CNTROB: variants seen among roughly 807,000 people sequenced by gnomAD.
CNTROB encodes centrobin, centriole duplication and spindle assembly protein.
Under a neutral mutation model 115.7 loss-of-function variants are expected in CNTROB, and 82 were observed. That is an observed-to-expected ratio of 0.71 (90% CI 0.59 to 0.85). CNTROB has a LOEUF of 0.85. Ranked by LOEUF, CNTROB falls within the 40% of genes least tolerant of loss-of-function variation. The pLI, the probability that CNTROB is intolerant of heterozygous loss-of-function variation, is 0.00. For synonymous variants in CNTROB, 439 were observed against 456.4 expected (o/e 0.96, Z 0.49); for missense variants, 1,014 against 1,144.4 (o/e 0.89, Z 1.64).
chr17:7,947,465 C>T lies in CNTROB; in HGVS notation c.1994-106C>T, dbSNP rs373572021. On this transcript the variant is annotated intron_variant, in intron 13 of 18. Coordinates refer to ENST00000563694, the MANE Select transcript of CNTROB (RefSeq NM_053051.5). Reference sequence around the variant, plus strand: ...TCTCTTAGCTGTGATGTTCCTCTTCCATTTAATAGGCCCCTTTCTTCTGAG... The same window carrying T: ...TCTCTTAGCTGTGATGTTCCTCTTCTATTTAATAGGCCCCTTTCTTCTGAG... The T allele has an allele frequency of 1.4e-5, 15 of 1,099,066 alleles. No homozygotes were observed. In the East Asian group the frequency reaches 3.6e-4, roughly 26 times the overall value. 68.1% of individuals were successfully genotyped at this position (1,099,066 alleles called of 1,614,324 possible). A position where few individuals can be genotyped will look rare whatever the true frequency, so the allele number is the denominator to read the frequency against.
In CNTROB at chr17:7,949,606, GA is replaced by G; in HGVS notation, c.*100del. 1 of 1,308,882 alleles carries G rather than the reference GA, an allele frequency of 7.6e-7. No homozygotes were observed. The highest frequency in any genetic ancestry group is 1.0e-6 in the Non-Finnish European group (1 of 988,866). 81.1% of individuals were successfully genotyped at this position (1,308,882 alleles called of 1,614,324 possible). A position where few individuals can be genotyped will look rare whatever the true frequency, so the allele number is the denominator to read the frequency against. On this transcript the variant is annotated 3_prime_UTR_variant, in exon 19 of 19. Transcript: ENST00000563694. ...AGAGTCTCTGGCTCATAGGAATTTG[GA>G]AAATAGAGGTTTTGTAGGGAATCAC...
At chr17:7,937,780 G>C (rs1289816894) in intron 7 of CNTROB, among the ~76,000 whole-genome samples, 1 of 152,014 alleles carries the variant, frequency 6.6e-6, no homozygotes, top group African/African-American at 2.4e-5. Context: ...TCCAGCCTGG[G>C]TGACAGAGTG....
In CNTROB at chr17:7,945,975, C is replaced by G. The variant is rs563600015; in HGVS notation, c.1982C>G (p.Thr661Ser). 21 of 1,614,090 alleles carry G rather than the reference C, an allele frequency of 1.3e-5. No individual in the cohort carries two copies. The highest frequency in any genetic ancestry group is 8.3e-5 in the Admixed American group (5 of 60,016). ...CCCCTGGAGCCCAAACCAGACCTCA[C>G]TTCATCCACAGGTAACTGGGGGCAG... Reference protein sequence around the residue: ...FQPLEPKPDLTSSTAGAFSAL... With the variant: ...FQPLEPKPDLSSSTAGAFSAL... Residue 661 changes from threonine (T) to serine (S), a missense_variant, in exon 13 of 19, where the codon ACT (threonine) becomes AGT (serine). Thr to Ser is a moderately conservative substitution (Grantham distance 58). Transcript: ENST00000563694.
Position 7,939,839 on chromosome 17 carries a change from T to G in CNTROB, c.1164+90T>G. ...GGATGGAATGTTAGAATATGGGGGA[T>G]ACATATAGGCAGGAATGGAGAGTAG... On this transcript the variant is annotated intron_variant, in intron 8 of 18. Transcript: ENST00000563694. The surrounding 1 kb of genome is among the most constrained non-coding windows in gnomAD (Gnocchi z 4.4). 1 of 1,260,754 alleles carries G rather than the reference T, an allele frequency of 7.9e-7. No homozygotes were observed. Among genetic ancestry groups the G allele is most frequent in the Non-Finnish European group, 1.1e-6 (1 of 873,574 alleles). The allele number at this position is 1,260,754 out of a possible 1,614,324, so 78.1% of individuals were successfully genotyped here. A position where few individuals can be genotyped will look rare whatever the true frequency, so the allele number is the denominator to read the frequency against.
chr17:7,937,068 G>C, intron 6 of CNTROB, 96 bp from the exon 7 acceptor site: 3 of 1,470,902 alleles, frequency 2.0e-6, no homozygotes, highest in Non-Finnish European at 2.8e-6. Flanking sequence ...TTAGTTAACT[G>C]TGAAGTTTCA....
In CNTROB at chr17:7,943,900, C is replaced by T. The variant is rs896118938; in HGVS notation, c.1446-223C>T. Among the ~76,000 whole-genome samples the T allele has an allele frequency of 2.0e-5, 3 of 152,174 alleles. No homozygotes were observed. Among genetic ancestry groups the T allele is most frequent in the Non-Finnish European group, 4.4e-5 (3 of 68,020 alleles). The stretch of plus-strand genomic sequence containing the variant: ...CTTCTCCTCACACCCATTCTGCTGC[C>T]GAGATTTTCTGGAACTGCTTCCGAA... On this transcript the variant is annotated intron_variant, in intron 10 of 18. Transcript: ENST00000563694. This position sits in a 1 kb window ranked among gnomAD's most constrained non-coding sequence, Gnocchi z 4.7.
In CNTROB at chr17:7,936,482, G is replaced by C. The variant is rs1322014981; in HGVS notation, c.711G>C (p.Lys237Asn). ...ATACCATGATTGAACAACTGGACAA[G>C]GTACCAGGGTAGCAAAATGTGGGTG... ...KKDTMIEQLD[K>N]TLARVVEGWN... Residue 237 changes from lysine to asparagine, a missense_variant and splice_region_variant, in exon 5 of 19, where the codon AAG (lysine) becomes AAC (asparagine). Transcript: ENST00000563694. The C allele has an allele frequency of 7.9e-7, 1 of 1,258,474 alleles. No homozygotes were observed. Among genetic ancestry groups the C allele is most frequent in the Non-Finnish European group, 1.2e-6 (1 of 855,088 alleles). 78.0% of individuals were successfully genotyped at this position (1,258,474 alleles called of 1,614,324 possible). A position where few individuals can be genotyped will look rare whatever the true frequency, so the allele number is the denominator to read the frequency against.
At chr17:7,938,521 A>G (rs993228543) in intron 7 of CNTROB, among the ~76,000 whole-genome samples, 1 of 152,326 alleles carries the variant, frequency 6.6e-6, no homozygotes, top group Admixed American at 6.5e-5. Context: ...TCTTTTGACG[A>G]TGATGGTGGT....
At position 7,939,816 on chromosome 17, in the gene CNTROB, A is replaced by G. The variant is rs1973640311; in HGVS notation, c.1164+67A>G. ...ATGAAGGGCAAAATAATTGAATGGG[A>G]TGGAATGTTAGAATATGGGGGATAC... On this transcript the variant is annotated intron_variant, in intron 8 of 18. Coordinates refer to ENST00000563694, the MANE Select transcript of CNTROB (RefSeq NM_053051.5). The surrounding 1 kb of genome is among the most constrained non-coding windows in gnomAD (Gnocchi z 4.4). The G allele has an allele frequency of 7.0e-7, 1 of 1,420,276 alleles. No homozygotes were observed. The allele number at this position is 1,420,276 out of a possible 1,614,324, so 88.0% of individuals were successfully genotyped here.
intron 7 of CNTROB, among the ~76,000 whole-genome samples, chr17:7,938,938 C>G (rs1237978832): frequency 1.3e-5 from 2 of 152,058 alleles, no homozygotes; most frequent in Non-Finnish European, 1.5e-5. Flanking sequence ...ACCACCATGC[C>G]CAGCTAATTT....
chr17:7,948,285 C>A lies in CNTROB; in HGVS notation c.2338C>A (p.His780Asn). ...LFRVPEPPSS[H>N]SQGSGPSSGS... ...CCGGGTCCCTGAGCCTCCCTCCTCC[C>A]ATTCACAAGGCAGTGGTCCCAGCAG... is the stretch of plus-strand genomic sequence containing the variant. Residue 780 changes from histidine to asparagine, a missense_variant, in exon 16 of 19, where the codon CAT becomes AAT. Coordinates refer to ENST00000563694, the MANE Select transcript of CNTROB (RefSeq NM_053051.5). This position sits in a 1 kb window ranked among gnomAD's most constrained non-coding sequence, Gnocchi z 4.4. 1 of 1,614,182 alleles carries A rather than the reference C, an allele frequency of 6.2e-7. No homozygotes were observed. The highest frequency in any genetic ancestry group is 8.5e-7 in the Non-Finnish European group (1 of 1,180,036).
chr17:7,943,442 C>G lies in CNTROB; in HGVS notation c.1363C>G (p.Leu455Val). The G allele has an allele frequency of 6.2e-7, 1 of 1,613,952 alleles. No individual in the cohort carries two copies. Among genetic ancestry groups the G allele is most frequent in the South Asian group, 1.1e-5 (1 of 91,074 alleles). ...GCTGGAGTCGGAGCTGGCTGTGCAG[C>G]TGGAGCAGCGGGTGACAGAGCGGCT... is the stretch of plus-strand genomic sequence containing the variant. ...IQLESELAVQ[L>V]EQRVTERLAQ... The change falls in exon 10 of 19, where the codon CTG becomes GTG. Residue 455 changes from leucine (L) to valine (V), a missense_variant. Physicochemically the swap from Leu to Val is conservative, Grantham distance 32 (BLOSUM62 1). Transcript: ENST00000563694. This position sits in a 1 kb window ranked among gnomAD's most constrained non-coding sequence, Gnocchi z 4.7.
rs767889628 is a variant in CNTROB at position 7,944,302 on chromosome 17, A to C, written c.1571+54A>C. The C allele has an allele frequency of 1.3e-6, 2 of 1,596,630 alleles. No individual in the cohort carries two copies. The highest frequency in any genetic ancestry group is 2.2e-5 in the South Asian group (2 of 90,640). On this transcript the variant is annotated intron_variant, in intron 11 of 18. Coordinates refer to ENST00000563694, the MANE Select transcript of CNTROB (RefSeq NM_053051.5). This position sits in a 1 kb window ranked among gnomAD's most constrained non-coding sequence, Gnocchi z 4.0. Reference sequence around the variant, plus strand: ...GCCCCAGCCCCTTTCCCATGGGTAGAGCCCAAACTGGGAACGGTGAAGAGC... The same window carrying C: ...GCCCCAGCCCCTTTCCCATGGGTAGCGCCCAAACTGGGAACGGTGAAGAGC...
At position 7,949,636 on chromosome 17, in the gene CNTROB, G is replaced by A. The variant is rs548746376; in HGVS notation, c.*126G>A. On this transcript the variant is annotated 3_prime_UTR_variant, in exon 19 of 19. Transcript: ENST00000563694. ...TAGAGGTTTTGTAGGGAATCACTTCGTAAAGAAACCACATTTGGTTGAGTA... is the reference window on the plus strand; with the variant it reads ...TAGAGGTTTTGTAGGGAATCACTTCATAAAGAAACCACATTTGGTTGAGTA... The A allele has an allele frequency of 2.1e-5, 19 of 922,286 alleles. No individual in the cohort carries two copies. The highest frequency in any genetic ancestry group is 3.4e-5 in the African/African-American group (2 of 58,778). The allele number at this position is 922,286 out of a possible 1,614,324, so 57.1% of individuals were successfully genotyped here.
At chr17:7,947,021 C>A (rs1005613087) in intron 13 of CNTROB, among the ~76,000 whole-genome samples, 5 of 151,742 alleles carry the variant, frequency 3.3e-5, no homozygotes, top group African/African-American at 4.8e-5. Context: ...GTTAGCCGGG[C>A]GTGGTGGCAG....
intron 9 of CNTROB, among the ~76,000 whole-genome samples, chr17:7,940,621 T>G (rs1228961562): frequency 8.7e-6 from 1 of 114,388 alleles, no homozygotes; most frequent in Non-Finnish European, 1.8e-5. Context: ...TTGAATAACT[T>G]GTATTAATTT....
chr17:7,939,699 C>T lies in CNTROB; in HGVS notation c.1114C>T (p.His372Tyr). The T allele has an allele frequency of 6.2e-7, 1 of 1,614,106 alleles. No homozygotes were observed. Among genetic ancestry groups the T allele is most frequent in the Non-Finnish European group, 8.5e-7 (1 of 1,180,018 alleles). Residue 372 changes from histidine (H) to tyrosine (Y), a missense_variant, in exon 8 of 19, where the codon CAC (histidine) becomes TAC (tyrosine). Transcript: ENST00000563694. The surrounding 1 kb of genome is among the most constrained non-coding windows in gnomAD (Gnocchi z 4.4). The stretch of plus-strand genomic sequence containing the variant: ...CCAGCAAGAGCACCAGCTTAAGGAA[C>T]ACTACCAGGCGCTGCAGGAGGAGAG... The part of the protein sequence containing the change: ...WAQQEHQLKE[H>Y]YQALQEESQA...
chr17:7,939,681 G>C lies in CNTROB; in HGVS notation c.1096G>C (p.Glu366Gln). 1 of 1,614,132 alleles carries C rather than the reference G, an allele frequency of 6.2e-7. No homozygotes were observed. The highest frequency in any genetic ancestry group is 2.2e-5 in the East Asian group (1 of 44,870). The change falls in exon 8 of 19, where the codon GAG becomes CAG. Residue 366 changes from glutamate (E) to glutamine (Q), a missense_variant. Glu to Gln is a conservative substitution (Grantham distance 29, BLOSUM62 2). Coordinates refer to ENST00000563694, the MANE Select transcript of CNTROB (RefSeq NM_053051.5). The surrounding 1 kb of genome is among the most constrained non-coding windows in gnomAD (Gnocchi z 4.4). ...AGAACGGCAGACCTGGGCCCAGCAAGAGCACCAGCTTAAGGAACACTACCA... is the reference window on the plus strand; with the variant it reads ...AGAACGGCAGACCTGGGCCCAGCAACAGCACCAGCTTAAGGAACACTACCA... Reference protein sequence around the residue: ...EEERQTWAQQEHQLKEHYQAL... With the variant: ...EEERQTWAQQQHQLKEHYQAL...
rs1226227952 is a variant in CNTROB, at chr17:7,948,998, T to C, written c.2514-87T>C. The C allele has an allele frequency of 3.7e-6, 6 of 1,607,828 alleles. No homozygotes were observed. The highest frequency in any genetic ancestry group is 1.3e-5 in the African/African-American group (1 of 74,800). On this transcript the variant is annotated intron_variant, in intron 17 of 18. Coordinates refer to ENST00000563694, the MANE Select transcript of CNTROB (RefSeq NM_053051.5). The surrounding 1 kb of genome is among the most constrained non-coding windows in gnomAD (Gnocchi z 4.4). ...CGAGTTTGATCTTATTCTTAAGAGA[T>C]AGAATTGGGGAGTAGTTCTTCCATC... is the stretch of plus-strand genomic sequence containing the variant.
Sources: allele counts gnomAD v4.1 joint callset (sites outside exome capture counted in the v4.1 genomes callset), GRCh38; gene constraint gnomAD v4.1.1; non-coding constraint Gnocchi (gnomAD v3.1); transcripts MANE v1.5; gene names NCBI Gene and HGNC (gene_info 2026-07-23, HGNC 2026-07-21).